The following VOPP1 variants were observed in gnomAD, a reference collection of about 807,000 sequenced individuals.
VOPP1 encodes VOPP1 WW domain binding protein, also known as WW domain binding protein VOPP1.
In VOPP1, 8 loss-of-function variants were observed where a neutral mutation model predicts 23.5. That is an observed-to-expected ratio of 0.34 (90% CI 0.20 to 0.61). VOPP1 has a LOEUF of 0.61. Among genes scored for constraint, VOPP1 ranks in the 20% least tolerant of loss-of-function variants. The probability of loss-of-function intolerance (pLI) is 0.78; values close to 1 mark genes in which losing one functional copy is unlikely to be tolerated. For missense variants in VOPP1, 174 were observed against 238.1 expected, an observed-to-expected ratio of 0.73 and a Z score of 1.77; for synonymous variants, 83 against 97.3, an observed-to-expected ratio of 0.85 and a Z score of 0.86.
chr7:55,521,049 C>T, intron 2 of VOPP1, 23 bp downstream of exon 2: 1 of 1,560,154 alleles, frequency 6.4e-7, no homozygotes. Flanking sequence ...AGAATGAAAC[C>T]ACAGAAAGGT....
At chr7:55,533,430 G>A (rs1796604239) in intron 1 of VOPP1, among the ~76,000 whole-genome samples, 1 of 151,986 alleles carries the variant, frequency 6.6e-6, no homozygotes, top group Admixed American at 6.5e-5. Flanking sequence ...AGATTTCCCT[G>A]TGCCAAGAAA....
At chr7:55,453,289 G>C (rs944975160) in intron 4 of VOPP1, among the ~76,000 whole-genome samples, 66 of 152,160 alleles carry the variant, frequency 4.3e-4, no homozygotes, top group African/African-American at 1.5e-3. Context: ...TGTGTCACTG[G>C]AATAGCGCTT....
intron 4 of VOPP1, among the ~76,000 whole-genome samples, chr7:55,436,862 A>G (rs61534639): frequency 0.04 from 6,048 of 152,200 alleles, 362 homozygotes; most frequent in African/African-American, 0.12. Context: ...TGGGCATCCC[A>G]GGGAGCTTTC....
chr7:55,524,044 G>A (rs1015448657), intron 1 of VOPP1, among the ~76,000 whole-genome samples: 1 of 152,216 alleles, frequency 6.6e-6, no homozygotes, highest in Non-Finnish European at 1.5e-5. Flanking sequence ...CAGGGTAGAT[G>A]CCTGTGAGGT....
intron 4 of VOPP1, among the ~76,000 whole-genome samples, chr7:55,461,007 A>G: frequency 6.6e-6 from 1 of 152,026 alleles, no homozygotes; most frequent in South Asian, 2.1e-4. Flanking sequence ...TATATTATAT[A>G]TGTGTGTTTT....
At chr7:55,532,659 G>A (rs1259378492) in intron 1 of VOPP1, among the ~76,000 whole-genome samples, 2 of 135,704 alleles carry the variant, frequency 1.5e-5, no homozygotes, top group African/African-American at 2.9e-5. Flanking sequence ...ATACCCTGGT[G>A]TGGAAAAATA....
At chr7:55,538,482 C>A in intron 1 of VOPP1, 1 of 708,810 alleles carries the variant, frequency 1.4e-6, no homozygotes, top group Non-Finnish European at 2.2e-6. Context: ...CCCTTCCTGC[C>A]AGGCTACACA....
chr7:55,475,666 C>T (rs1046438262), intron 4 of VOPP1, among the ~76,000 whole-genome samples: 3 of 152,228 alleles, frequency 2.0e-5, no homozygotes, highest in African/African-American at 7.2e-5. Context: ...CTGGGAGGAG[C>T]CCTTCAGTTC....
At chr7:55,489,752 C>T (rs116302723) in intron 4 of VOPP1, among the ~76,000 whole-genome samples, 1,842 of 152,230 alleles carry the variant, frequency 0.012, 12 homozygotes, top group Middle Eastern at 0.021. Context: ...CTGGGAGCTC[C>T]CACAGTTCAT....
intron 1 of VOPP1, chr7:55,537,755 T>C: frequency 7.3e-7 from 1 of 1,378,560 alleles, no homozygotes; most frequent in South Asian, 1.7e-5. Context: ...GAAAAGCAGG[T>C]CCGGCCCCCA....
chr7:55,462,867 G>A lies in VOPP1; in HGVS notation n.418-26693C>T, dbSNP rs531339427. ...GAGACGGGGTTTCACCGTTTTAGCCGGGATGGTCTCGATCTCCTGACCTCG... is the reference window on the plus strand; with the variant it reads ...GAGACGGGGTTTCACCGTTTTAGCCAGGATGGTCTCGATCTCCTGACCTCG... On this transcript the variant is annotated intron_variant and non_coding_transcript_variant, in intron 4 of 4. Transcript: ENST00000462326. 2.3e-4 allele frequency among the ~76,000 whole-genome samples: 34 copies of A among 148,056 alleles called. 1 individual carries two copies. Among genetic ancestry groups the A allele is most frequent in the East Asian group, 7.8e-4 (4 of 5,146 alleles).
chr7:55,445,214 C>T (rs1288920150), intron 4 of VOPP1, among the ~76,000 whole-genome samples: 3 of 102,256 alleles, frequency 2.9e-5, no homozygotes, highest in Non-Finnish European at 6.9e-5. Context: ...CACACACACA[C>T]AGACACACAC....
At position 55,506,668 on chromosome 7, in the gene VOPP1, C is replaced by T. The variant is rs148279360; in HGVS notation, c.114-8978G>A. Among the ~76,000 whole-genome samples, 227 of 150,702 alleles carry T rather than the reference C, an allele frequency of 1.5e-3. 3 individuals are homozygous for T. Among genetic ancestry groups the T allele is most frequent in the African/African-American group, 5.4e-3 (222 of 40,932 alleles). On this transcript the variant is annotated intron_variant, in intron 2 of 4. Coordinates refer to ENST00000285279, the MANE Select transcript of VOPP1 (RefSeq NM_030796.5). ...TTCTTTTTTTTTTGAGATGGAGCTT[C>T]GCTCTTGTTGCCCAGGCTGAAGTTC...
intron 1 of VOPP1, among the ~76,000 whole-genome samples, chr7:55,540,431 AAATAAATAAAT>A (rs869028401): frequency 3.3e-5 from 5 of 150,134 alleles, no homozygotes; most frequent in South Asian, 2.1e-4. Flanking sequence ...ATAAATAAAT[AAATAAATAAAT>A]AAAAATAAAT....
rs1290676424 is a variant in VOPP1 at position 55,537,732 on chromosome 7, CT to C, written c.55-16603del. On this transcript the variant is annotated intron_variant, in intron 1 of 4. Transcript: ENST00000285279. ...GCTACAAGGATTCAAGAAGCCAGCGCTTGTGACAGTGTGAAAAGCAGGTCCG... is the reference window on the plus strand; with the variant it reads ...GCTACAAGGATTCAAGAAGCCAGCGCTGTGACAGTGTGAAAAGCAGGTCCG... 3 of 1,405,154 alleles carry C rather than the reference CT, an allele frequency of 2.1e-6. No homozygotes were observed. In the East Asian group the frequency reaches 7.7e-5, roughly 36 times the overall value. The allele number at this position is 1,405,154 out of a possible 1,614,324, so 87.0% of individuals were successfully genotyped here.
intron 4 of VOPP1, among the ~76,000 whole-genome samples, chr7:55,475,893 C>T (rs1263598659): frequency 6.6e-6 from 1 of 152,216 alleles, no homozygotes; most frequent in Non-Finnish European, 1.5e-5. Flanking sequence ...GGTGGGAGAA[C>T]AGAGGCTCTG....
At chr7:55,547,690 A>C (rs1316842676) in intron 1 of VOPP1, among the ~76,000 whole-genome samples, 2 of 152,218 alleles carry the variant, frequency 1.3e-5, no homozygotes, top group East Asian at 3.8e-4. Flanking sequence ...TGAGATAAAG[A>C]AACTTTACAC....
At chr7:55,451,577 G>C (rs1360888412) in intron 4 of VOPP1, among the ~76,000 whole-genome samples, 1 of 152,130 alleles carries the variant, frequency 6.6e-6, no homozygotes, top group Non-Finnish European at 1.5e-5. Flanking sequence ...GGATCACAAG[G>C]TCAGGAGTTT....
intron 4 of VOPP1, among the ~76,000 whole-genome samples, chr7:55,443,747 C>T (rs755061096): frequency 7.3e-5 from 11 of 149,676 alleles, no homozygotes; most frequent in African/African-American, 2.0e-4. Flanking sequence ...TGGGTTCAAG[C>T]GATTCTCCTC....
Sources: gnomAD v4.1 joint callset for allele counts (sites outside exome capture counted in the v4.1 genomes callset) on GRCh38, gnomAD v4.1.1 for gene constraint, MANE v1.5 for transcripts, NCBI Gene and HGNC (gene_info 2026-07-23, HGNC 2026-07-21) for gene names.